PHACTR1: variants seen among roughly 807,000 people sequenced by gnomAD.
PHACTR1 encodes the protein phosphatase and actin regulator 1, also known as RPEL repeat containing 1.
In PHACTR1, 16 loss-of-function variants were observed where a neutral mutation model predicts 69.2. That is an observed-to-expected ratio of 0.23 (90% CI 0.16 to 0.35). The LOEUF is 0.35. Ranked by LOEUF, PHACTR1 falls within the 10% of genes least tolerant of loss-of-function variation. PHACTR1 has a pLI of 1.00. For synonymous variants in PHACTR1, 312 were observed against 284.5 expected (o/e 1.10, Z -0.97); for missense variants, 510 against 734.7 (o/e 0.69, Z 3.54).
At chr6:12,992,941 TGCAAATGGGTTCTTTACCTG>T (rs1458974784) in intron 4 of PHACTR1, among the ~76,000 whole-genome samples, 4 of 152,230 alleles carry the variant, frequency 2.6e-5, no homozygotes, top group Non-Finnish European at 5.9e-5. Context: ...TCTTTTATTA[TGCAAATGGGTTCTTTACCTG>T]GCTGGCGCCA....
At chr6:13,153,068 A>C (rs1757667720) in intron 5 of PHACTR1, among the ~76,000 whole-genome samples, 2 of 152,178 alleles carry the variant, frequency 1.3e-5, no homozygotes, top group South Asian at 4.1e-4. Flanking sequence ...GGCTCTGAAT[A>C]GATTCATTTG....
rs187021175 is a variant in PHACTR1 at position 12,800,002 on chromosome 6, C to T, written c.250+50212C>T. On this transcript the variant is annotated intron_variant, in intron 4 of 14. Transcript: ENST00000332995. Reference sequence around the variant, plus strand: ...CCATCAACACTGTGTGATAGCTTTTCATTATTCTTATTATTTCCATTATAT... The same window carrying T: ...CCATCAACACTGTGTGATAGCTTTTTATTATTCTTATTATTTCCATTATAT... Among the ~76,000 whole-genome samples, 11 of 152,268 alleles carry T rather than the reference C, an allele frequency of 7.2e-5. No individual in the cohort carries two copies. In the East Asian group the frequency reaches 2.1e-3, roughly 29 times the overall value.
At chr6:13,086,972 G>A (rs1812422014) in intron 5 of PHACTR1, among the ~76,000 whole-genome samples, 1 of 151,880 alleles carries the variant, frequency 6.6e-6, no homozygotes, top group African/African-American at 2.4e-5. Flanking sequence ...ATAGGTATGA[G>A]TCTCACTGTA....
At chr6:13,102,562 G>C (rs537847436) in intron 5 of PHACTR1, among the ~76,000 whole-genome samples, 12 of 152,246 alleles carry the variant, frequency 7.9e-5, no homozygotes, top group African/African-American at 2.6e-4. Flanking sequence ...TGCATATTTT[G>C]GTGTCAATTT....
intron 12 of PHACTR1, chr6:13,281,147 A>C (rs1194450164): frequency 7.3e-5 from 94 of 1,281,618 alleles, no homozygotes; most frequent in Non-Finnish European, 9.5e-5. Flanking sequence ...TCTTCGGTTC[A>C]CTCCAGACTC....
At position 12,987,362 on chromosome 6, in the gene PHACTR1, T is replaced by C. The variant is rs191314877; in HGVS notation, c.251-66003T>C. Among the ~76,000 whole-genome samples the C allele has an allele frequency of 3.6e-3, 541 of 152,256 alleles. 2 individuals carry two copies. The highest frequency in any genetic ancestry group is 0.013 in the African/African-American group (520 of 41,538). Reference sequence around the variant, plus strand: ...ATAGCATTGCGGACCAGAACATTAATGAAAGGCTTTGTAGAAAGACATGAG... The same window carrying C: ...ATAGCATTGCGGACCAGAACATTAACGAAAGGCTTTGTAGAAAGACATGAG... On this transcript the variant is annotated intron_variant, in intron 4 of 14. Coordinates refer to ENST00000332995, the MANE Select transcript of PHACTR1 (RefSeq NM_030948.6).
rs1177638986 is a variant in PHACTR1 at position 12,718,833 on chromosome 6, G to A, written c.89G>A (p.Ser30Asn). ...DVESAQRFFY[S>N]QGAQARRATL... is the part of the protein sequence containing the mutation. Reference sequence around the variant, plus strand: ...GAGTCAGCTCAAAGATTCTTCTACAGTCAAGGAGCTCAAGGTAATAAAATA... The same window carrying A: ...GAGTCAGCTCAAAGATTCTTCTACAATCAAGGAGCTCAAGGTAATAAAATA... Residue 30 changes from serine to asparagine, a missense_variant, in exon 3 of 15, where the codon AGT becomes AAT. Ser to Asn is a conservative substitution (Grantham distance 46). Around this residue, in one of 2 missense-constraint regions of PHACTR1, gnomAD observed 419 missense variants for 530.9 expected, o/e 0.79. Transcript: ENST00000332995. 1.3e-6 allele frequency: 2 copies of A among 1,561,334 alleles called. No individual in the cohort carries two copies. Among genetic ancestry groups the A allele is most frequent in the Non-Finnish European group, 1.7e-6 (2 of 1,149,142 alleles).
chr6:13,131,228 C>T (rs1331512368), intron 5 of PHACTR1, among the ~76,000 whole-genome samples: 2 of 147,994 alleles, frequency 1.4e-5, no homozygotes, highest in African/African-American at 5.0e-5. Flanking sequence ...CACACACACA[C>T]ACACACACAC....
At chr6:12,808,444 CAGA>C (rs756594665) in intron 4 of PHACTR1, among the ~76,000 whole-genome samples, 172 of 152,076 alleles carry the variant, frequency 1.1e-3, no homozygotes, top group Non-Finnish European at 1.9e-3. Flanking sequence ...ATAACGTTGC[CAGA>C]AGATTTGGCT....
At chr6:13,071,202 A>G (rs1809472509) in intron 5 of PHACTR1, among the ~76,000 whole-genome samples, 1 of 151,990 alleles carries the variant, frequency 6.6e-6, no homozygotes, top group South Asian at 2.1e-4. Context: ...CGAGGCAAGC[A>G]GATCACCTGA....
chr6:12,765,175 G>A (rs1467554836), intron 4 of PHACTR1, among the ~76,000 whole-genome samples: 1 of 152,188 alleles, frequency 6.6e-6, no homozygotes, highest in Non-Finnish European at 1.5e-5. Flanking sequence ...AAACCTTGAT[G>A]TGGTATCACC....
intron 4 of PHACTR1, among the ~76,000 whole-genome samples, chr6:12,989,722 G>T (rs563149962): frequency 6.6e-6 from 1 of 152,190 alleles, no homozygotes; most frequent in African/African-American, 2.4e-5. Context: ...CAGAGTTTTG[G>T]TCTCCACAGT....
intron 4 of PHACTR1, among the ~76,000 whole-genome samples, chr6:13,036,891 ACATT>A (rs1803392327): frequency 6.6e-6 from 1 of 152,186 alleles, no homozygotes; most frequent in Non-Finnish European, 1.5e-5. Context: ...TCTCTGAGAA[ACATT>A]CATTCATTTA....
At chr6:13,223,284 A>G (rs925988176) in intron 8 of PHACTR1, among the ~76,000 whole-genome samples, 2 of 152,194 alleles carry the variant, frequency 1.3e-5, no homozygotes, top group Admixed American at 1.3e-4. Context: ...AGGGCACAGA[A>G]AATTTTTTCT....
chr6:13,017,458 G>C (rs118005299), intron 4 of PHACTR1, among the ~76,000 whole-genome samples: 1 of 152,216 alleles, frequency 6.6e-6, no homozygotes, highest in East Asian at 1.9e-4. Flanking sequence ...TTACCTACTT[G>C]ATAGAGAGGC....
Position 13,034,766 on chromosome 6 carries a change from A to G in PHACTR1, c.251-18599A>G, listed in dbSNP as rs549616077. On this transcript the variant is annotated intron_variant, in intron 4 of 14. Transcript: ENST00000332995. Reference sequence around the variant, plus strand: ...TTCTTGAACCAGCTCAATCCTGTAGATGCAACTAATTTTTATAAGTATCAA... The same window carrying G: ...TTCTTGAACCAGCTCAATCCTGTAGGTGCAACTAATTTTTATAAGTATCAA... Among the ~76,000 whole-genome samples, 7 of 152,328 alleles carry G rather than the reference A, an allele frequency of 4.6e-5. No individual in the cohort carries two copies. The East Asian group carries it at 9.6e-4, about 21-fold the overall frequency.
chr6:13,136,744 T>C (rs946341486), intron 5 of PHACTR1, among the ~76,000 whole-genome samples: 16 of 152,184 alleles, frequency 1.1e-4, no homozygotes, highest in Non-Finnish European at 4.4e-5. Flanking sequence ...AGTTTCAATA[T>C]TGTTGTGTCT....
At chr6:13,159,092 TC>T (rs1195906296) in intron 5 of PHACTR1, among the ~76,000 whole-genome samples, 1 of 152,114 alleles carries the variant, frequency 6.6e-6, no homozygotes, top group African/African-American at 2.4e-5. Flanking sequence ...ATTTCCTCAC[TC>T]CTGGGTTGTT....
intron 4 of PHACTR1, among the ~76,000 whole-genome samples, chr6:12,972,034 A>G (rs1468515522): frequency 6.6e-6 from 1 of 151,394 alleles, no homozygotes; most frequent in Non-Finnish European, 1.5e-5. Flanking sequence ...CGTTACGCAA[A>G]TTATTTCATT....
Sources: gnomAD v4.1 joint callset for allele counts (sites outside exome capture counted in the v4.1 genomes callset) on GRCh38, gnomAD v4.1.1 for gene constraint, gnomAD v4.1.1 regional missense constraint, MANE v1.5 for transcripts, NCBI Gene and HGNC (gene_info 2026-07-23, HGNC 2026-07-21) for gene names.